Variants in ANO2 observed in about 807,000 individuals in gnomAD.
The protein encoded by ANO2 is anoctamin-2.
In ANO2, 101 loss-of-function variants were observed where a neutral mutation model predicts 124.2. That is an observed-to-expected ratio of 0.81 (90% CI 0.69 to 0.96). The LOEUF (loss-of-function observed/expected upper bound fraction) is 0.96, where lower values mean the gene tolerates loss of function less well. Ranked by LOEUF, ANO2 falls within the 40% of genes least tolerant of loss-of-function variation. The probability of loss-of-function intolerance (pLI) is 0.00; values close to 1 mark genes in which losing one functional copy is unlikely to be tolerated. For synonymous variants in ANO2, 486 were observed against 482.5 expected, an observed-to-expected ratio of 1.01 and a Z score of -0.09; for missense variants, 1,293 against 1,274.5, an observed-to-expected ratio of 1.01 and a Z score of -0.22.
At chr12:5,749,120 C>T (rs888261026) in intron 11 of ANO2, among the ~76,000 whole-genome samples, 2 of 152,192 alleles carry the variant, frequency 1.3e-5, no homozygotes, top group Admixed American at 1.3e-4. Flanking sequence ...GAGTATGCAC[C>T]AGTAGGCAGG....
chr12:5,803,794 C>G (rs1953114294), intron 9 of ANO2, among the ~76,000 whole-genome samples: 1 of 152,184 alleles, frequency 6.6e-6, no homozygotes, highest in Non-Finnish European at 1.5e-5. Context: ...AGACTTCCAG[C>G]CCCTACCTGG....
rs1450482017 is a variant in ANO2, at chr12:5,921,231, C to T, written c.343G>A (p.Ala115Thr). 6.2e-7 allele frequency: 1 copy of T among 1,613,850 alleles called. No homozygotes were observed. Among genetic ancestry groups the T allele is most frequent in the African/African-American group, 1.3e-5 (1 of 74,932 alleles). ...YHYRKRGVHLAQGFPGHSLAI... is the reference protein window; with the variant it reads ...YHYRKRGVHLTQGFPGHSLAI... ...AGCGAGTGGCCAGGGAAGCCTTGGG[C>T]CAGGTGCACCCCGCGTTTCCGGTAG... The change falls in exon 3 of 25, where the codon GCC becomes ACC. Residue 115 changes from alanine (A) to threonine (T), a missense_variant. By Grantham distance (58) the Ala-to-Thr change is moderately conservative (BLOSUM62 0). Transcript: ENST00000682330.
rs138772112 is a variant in ANO2 at position 5,577,901 on chromosome 12, C to G, written c.2439+54G>C. The G allele has an allele frequency of 7.4e-4, 1,160 of 1,570,314 alleles. 4 individuals are homozygous for G. The African/African-American group carries it at 0.014, about 19-fold the overall frequency. On this transcript the variant is annotated intron_variant, in intron 22 of 24. Coordinates refer to ENST00000682330, the MANE Select transcript of ANO2 (RefSeq NM_001364791.2). ...TGGCTTCCCACTTTGAAGACCTCAGCTTCTCTGGAAGCCCTTCCCACAGAG... is the reference window on the plus strand; with the variant it reads ...TGGCTTCCCACTTTGAAGACCTCAGGTTCTCTGGAAGCCCTTCCCACAGAG...
chr12:5,648,061 A>T (rs1328598246), intron 14 of ANO2, among the ~76,000 whole-genome samples: 1 of 152,186 alleles, frequency 6.6e-6, no homozygotes, highest in Non-Finnish European at 1.5e-5. Flanking sequence ...TTTCTAGTTC[A>T]ACCACTTATC....
Position 5,660,349 on chromosome 12 carries a change from C to G in ANO2, c.1546-12548G>C, listed in dbSNP as rs112091820. ...ATGCTTACCATGATCCGGGCTTTGA[C>G]TCCTCTCCAACTTTATCTCTTGCCA... is the stretch of plus-strand genomic sequence containing the variant. On this transcript the variant is annotated intron_variant, in intron 14 of 24. Transcript: ENST00000682330. Among the ~76,000 whole-genome samples, 98 of 150,212 alleles carry G rather than the reference C, an allele frequency of 6.5e-4. 1 individual carries two copies. The highest frequency in any genetic ancestry group is 2.4e-3 in the African/African-American group (97 of 40,544).
rs920995142 is a variant in ANO2 at position 5,925,623 on chromosome 12, T to C, written c.23-2819A>G. Among the ~76,000 whole-genome samples, 50 of 152,140 alleles carry C rather than the reference T, an allele frequency of 3.3e-4. No individual in the cohort carries two copies. The highest frequency in any genetic ancestry group is 1.2e-3 in the African/African-American group (48 of 41,420). The stretch of plus-strand genomic sequence containing the variant: ...CACCTTGAGAACTCCCTAAGAAGCT[T>C]AGAAGAGGTGAATGAGGTCAATTAG... On this transcript the variant is annotated intron_variant, in intron 1 of 24. Transcript: ENST00000682330. This position sits in a 1 kb window ranked among gnomAD's most constrained non-coding sequence, Gnocchi z 4.6.
intron 5 of ANO2, among the ~76,000 whole-genome samples, chr12:5,831,783 C>A (rs1021711248): frequency 5.9e-5 from 9 of 152,264 alleles, no homozygotes; most frequent in African/African-American, 2.2e-4. Flanking sequence ...CCCTTCCATG[C>A]CCCGGCCTTT....
At chr12:5,743,472 CGTGTGT>C (rs112084814) in intron 12 of ANO2, among the ~76,000 whole-genome samples, 1 of 149,452 alleles carries the variant, frequency 6.7e-6, no homozygotes, top group Non-Finnish European at 1.5e-5. Flanking sequence ...TGAGAATAGG[CGTGTGT>C]GTGTGTGTGT....
At chr12:5,799,077 A>G (rs982135439) in intron 10 of ANO2, among the ~76,000 whole-genome samples, 1 of 152,254 alleles carries the variant, frequency 6.6e-6, no homozygotes. Context: ...ACATTCTGTC[A>G]GGCCAACCAG....
In ANO2 at chr12:5,807,370, T is replaced by C; in HGVS notation, c.893-2A>G. 6.4e-7 allele frequency: 1 copy of C among 1,554,526 alleles called. No homozygotes were observed. Among genetic ancestry groups the C allele is most frequent in the Non-Finnish European group, 8.7e-7 (1 of 1,148,662 alleles). On this transcript the variant is annotated splice_acceptor_variant, in intron 7 of 24. Coordinates refer to ENST00000682330, the MANE Select transcript of ANO2 (RefSeq NM_001364791.2). LOFTEE classifies it high-confidence loss of function. Reference sequence around the variant, plus strand: ...TGTTTGCGATCAGAGAGTTAATACCTACGGAAGAAAGGGAGATGAAAATAG... The same window carrying C: ...TGTTTGCGATCAGAGAGTTAATACCCACGGAAGAAAGGGAGATGAAAATAG...
intron 14 of ANO2, among the ~76,000 whole-genome samples, chr12:5,680,849 G>A (rs1259762124): frequency 6.6e-6 from 1 of 152,174 alleles, no homozygotes; most frequent in African/African-American, 2.4e-5. Context: ...TCTGGTCAGA[G>A]GTGGATTAAT....
chr12:5,873,964 C>A (rs1385160033), intron 3 of ANO2, among the ~76,000 whole-genome samples: 2 of 152,200 alleles, frequency 1.3e-5, no homozygotes, highest in Non-Finnish European at 2.9e-5. Flanking sequence ...CGCAGAGAAG[C>A]CCAGACCTCC....
intron 7 of ANO2, among the ~76,000 whole-genome samples, chr12:5,814,020 T>G (rs1395950881): frequency 1.3e-5 from 2 of 152,158 alleles, no homozygotes; most frequent in Admixed American, 1.3e-4. Flanking sequence ...CCAGATATAC[T>G]CTCTACGGTC....
chr12:5,834,002 G>T (rs188661085), intron 4 of ANO2, among the ~76,000 whole-genome samples: 1 of 151,930 alleles, frequency 6.6e-6, no homozygotes, highest in Non-Finnish European at 1.5e-5. Context: ...TAAGGGAAAG[G>T]CACTCAGCTG....
chr12:5,840,384 C>T (rs1441830143), intron 4 of ANO2, among the ~76,000 whole-genome samples: 2 of 152,080 alleles, frequency 1.3e-5, no homozygotes, highest in African/African-American at 2.4e-5. Context: ...AGGGGCACAG[C>T]AGTGTGGTCT....
chr12:5,799,440 G>A (rs1476784240), intron 10 of ANO2, 67 bp downstream of exon 10: 7 of 1,380,864 alleles, frequency 5.1e-6, no homozygotes, highest in Non-Finnish European at 7.2e-6. Flanking sequence ...GAGTCAAAAG[G>A]TTTATGATAC....
At chr12:5,678,187 G>A (rs1948337534) in intron 14 of ANO2, among the ~76,000 whole-genome samples, 1 of 152,172 alleles carries the variant, frequency 6.6e-6, no homozygotes, top group South Asian at 2.1e-4. Context: ...TTACATGTAG[G>A]TTCCTGGGGT....
At chr12:5,930,224 A>C (rs1038033834) in intron 1 of ANO2, among the ~76,000 whole-genome samples, 1 of 152,172 alleles carries the variant, frequency 6.6e-6, no homozygotes, top group African/African-American at 2.4e-5. Flanking sequence ...AAGGAGCCAC[A>C]TTCTGTTTAG....
intron 14 of ANO2, among the ~76,000 whole-genome samples, chr12:5,727,605 C>A (rs1296821264): frequency 4.2e-5 from 6 of 143,138 alleles, no homozygotes; most frequent in Non-Finnish European, 7.6e-5. Flanking sequence ...TGGTCAAAAA[C>A]AAAGCAAGGA....
Sources: gnomAD v4.1 joint callset for allele counts (sites outside exome capture counted in the v4.1 genomes callset) on GRCh38, gnomAD v4.1.1 for gene constraint, Gnocchi (gnomAD v3.1) non-coding constraint, MANE v1.5 for transcripts, NCBI Gene and HGNC (gene_info 2026-07-23, HGNC 2026-07-21) for gene names.